DHRS12: variants seen among roughly 807,000 people sequenced by gnomAD.
The protein encoded by DHRS12 is dehydrogenase/reductase SDR family member 12.
A neutral mutation model predicts 32.1 loss-of-function variants in DHRS12; 29 were observed. That is an observed-to-expected ratio of 0.90 (90% confidence interval 0.67 to 1.23). DHRS12 has a LOEUF of 1.23. DHRS12 is among the 50% of genes most tolerant of loss of function. DHRS12 has a pLI of 0.00. For missense variants in DHRS12, 330 were observed against 337.2 expected (o/e 0.98, Z 0.17); for synonymous variants, 150 against 135.9 (o/e 1.10, Z -0.72).
intron 1 of DHRS12, 30 bp from the exon 2 acceptor site, chr13:51,799,697 G>C: frequency 6.2e-7 from 1 of 1,610,128 alleles, no homozygotes; most frequent in Non-Finnish European, 8.5e-7. Flanking sequence ...AGGAAGACCA[G>C]CTGTAAGGAG....
chr13:51,794,141 A>G (rs1955404114), intron 2 of DHRS12, among the ~76,000 whole-genome samples: 1 of 152,202 alleles, frequency 6.6e-6, no homozygotes. Flanking sequence ...CATGTGTGTA[A>G]AAGTCCCAAT....
chr13:51,778,978 T>C (rs1954575746), intron 4 of DHRS12, among the ~76,000 whole-genome samples: 1 of 152,190 alleles, frequency 6.6e-6, no homozygotes, highest in Non-Finnish European at 1.5e-5. Context: ...ATTAGAGTTA[T>C]AGAATCCCAG....
In DHRS12 at chr13:51,769,211, C is replaced by A; in HGVS notation, c.642G>T (p.Leu214=). Residue 214 remains leucine, a synonymous_variant, in exon 8 of 9, where the codon CTG becomes CTT. Coordinates refer to ENST00000444610, the MANE Select transcript of DHRS12 (RefSeq NM_001377533.1). ...RSEAQGADTM[L]WLALSSAAAA... ...CTGCGGCAGAGGAGAGGGCCAGCCA[C>A]AGCATGGTGTCCGCGCCCTGGGCCT... 6.3e-7 allele frequency: 1 copy of A among 1,576,078 alleles called. No individual in the cohort carries two copies. The highest frequency in any genetic ancestry group is 8.6e-7 in the Non-Finnish European group (1 of 1,162,180).
chr13:51,790,174 A>C, intron 3 of DHRS12, 82 bp from the exon 4 acceptor site: 1 of 1,031,096 alleles, frequency 9.7e-7, no homozygotes. Flanking sequence ...CCACTACCCC[A>C]CCCCCAGCTC....
rs934761141 is a variant in DHRS12, at chr13:51,782,455, G to A, written c.302-5334C>T. Among the ~76,000 whole-genome samples, 18 of 152,324 alleles carry A rather than the reference G, an allele frequency of 1.2e-4. No individual in the cohort carries two copies. The highest frequency in any genetic ancestry group is 4.1e-4 in the African/African-American group (17 of 41,574). On this transcript the variant is annotated intron_variant, in intron 4 of 8. Coordinates refer to ENST00000444610, the MANE Select transcript of DHRS12 (RefSeq NM_001377533.1). The surrounding 1 kb of genome is among the most constrained non-coding windows in gnomAD (Gnocchi z 4.2). ...TCGCGCTATGGGAGCACGGACAGCTGTGCCCAGTGCTGCCCATGGATGTGG... is the reference window on the plus strand; with the variant it reads ...TCGCGCTATGGGAGCACGGACAGCTATGCCCAGTGCTGCCCATGGATGTGG...
the DHRS12 span, among the ~76,000 whole-genome samples, chr13:51,757,024 G>A: frequency 2.0e-5 from 3 of 152,152 alleles, no homozygotes; most frequent in Admixed American, 2.0e-4. Context: ...TTTAGTGTTG[G>A]CTCATTGAAA....
chr13:51,757,824 A>G, the DHRS12 span, among the ~76,000 whole-genome samples: 2 of 148,066 alleles, frequency 1.4e-5, no homozygotes, highest in African/African-American at 5.1e-5. Flanking sequence ...ACTTAGTACT[A>G]TCTTGGTCCT....
chr13:51,770,238 C>A (rs760630202), intron 7 of DHRS12, among the ~76,000 whole-genome samples: 8 of 152,006 alleles, frequency 5.3e-5, no homozygotes, highest in Non-Finnish European at 1.2e-4. Context: ...AATGTGAAAA[C>A]CTTGTGATGT....
intron 4 of DHRS12, 111 bp downstream of exon 4, chr13:51,789,900 A>T: frequency 7.2e-7 from 1 of 1,379,532 alleles, no homozygotes; most frequent in African/African-American, 1.5e-5. Flanking sequence ...AGCAAACGTC[A>T]TCAGGCCCAG....
intron 2 of DHRS12, among the ~76,000 whole-genome samples, chr13:51,791,753 A>G (rs1192654508): frequency 6.6e-6 from 1 of 152,196 alleles, no homozygotes; most frequent in Non-Finnish European, 1.5e-5. Context: ...TAGTAACTCC[A>G]CATTTCTCCT....
intron 2 of DHRS12, among the ~76,000 whole-genome samples, chr13:51,796,991 G>A (rs1955538334): frequency 6.6e-6 from 1 of 152,188 alleles, no homozygotes; most frequent in African/African-American, 2.4e-5. Context: ...ATGCCTGAGG[G>A]TGGGTACTGT....
At chr13:51,754,982 C>T in the DHRS12 span, among the ~76,000 whole-genome samples, 2 of 152,224 alleles carry the variant, frequency 1.3e-5, 1 homozygote, top group South Asian at 4.1e-4. Flanking sequence ...ATTTCCCCAT[C>T]TGTGCTCCAG....
the DHRS12 span, among the ~76,000 whole-genome samples, chr13:51,757,542 G>C: frequency 6.6e-6 from 1 of 150,862 alleles, no homozygotes; most frequent in Non-Finnish European, 1.5e-5. Flanking sequence ...ACTGCACCCT[G>C]CACCTTTTCC....
chr13:51,776,822 A>G (rs1566282819), intron 5 of DHRS12, among the ~76,000 whole-genome samples: 1 of 151,896 alleles, frequency 6.6e-6, no homozygotes, highest in Non-Finnish European at 1.5e-5. Flanking sequence ...CTTTGCCGAC[A>G]CCCACGTGAC....
chr13:51,787,741 TATTA>T (rs1955025962), intron 4 of DHRS12, among the ~76,000 whole-genome samples: 1 of 118,194 alleles, frequency 8.5e-6, no homozygotes, highest in Admixed American at 1.1e-4. Context: ...CATATAATTA[TATTA>T]TATATTTTTA....
rs1452015560 is a variant in DHRS12 at position 51,769,197 on chromosome 13, G to A, written c.656C>T (p.Ser219Phe). Residue 219 changes from serine (S) to phenylalanine (F), a missense_variant, in exon 8 of 9, where the codon TCC becomes TTC. Coordinates refer to ENST00000444610, the MANE Select transcript of DHRS12 (RefSeq NM_001377533.1). ...GADTMLWLALSSAAAAQPSGR... is the reference protein window; with the variant it reads ...GADTMLWLALFSAAAAQPSGR... ...GCTGGGCTGTGCGGCTGCGGCAGAG[G>A]AGAGGGCCAGCCACAGCATGGTGTC... 3 of 1,563,118 alleles carry A rather than the reference G, an allele frequency of 1.9e-6. No individual in the cohort carries two copies. Among genetic ancestry groups the A allele is most frequent in the Non-Finnish European group, 2.6e-6 (3 of 1,155,056 alleles).
the DHRS12 span, chr13:51,761,471 G>C: frequency 6.6e-6 from 1 of 152,194 alleles, no homozygotes; most frequent in Non-Finnish European, 1.5e-5. Context: ...GAGCTCACCA[G>C]TCTCTTGAGG....
rs190738837 is a variant in DHRS12 at position 51,798,038 on chromosome 13, C to T, written c.126+1496G>A. On this transcript the variant is annotated intron_variant, in intron 2 of 8. Transcript: ENST00000444610. The stretch of plus-strand genomic sequence containing the variant: ...CTGTTAAGCCTAGATGGGTGGTTCC[C>T]AGAGTTAAGAGCAGCAAGGGCGATG... 84 of 912,248 alleles carry T rather than the reference C, an allele frequency of 9.2e-5. No homozygotes were observed. In the African/African-American group the frequency reaches 1.3e-3, roughly 14 times the overall value. 56.5% of individuals were successfully genotyped at this position (912,248 alleles called of 1,614,324 possible).
chr13:51,797,908 C>G, intron 2 of DHRS12: 1 of 1,535,914 alleles, frequency 6.5e-7, no homozygotes, highest in Middle Eastern at 1.7e-4. Flanking sequence ...AACTGTGCCA[C>G]CTGGTGGAAT....
Sources: gnomAD v4.1 joint callset for allele counts (sites outside exome capture counted in the v4.1 genomes callset) on GRCh38, gnomAD v4.1.1 for gene constraint, Gnocchi (gnomAD v3.1) non-coding constraint, MANE v1.5 for transcripts, NCBI Gene and HGNC (gene_info 2026-07-23, HGNC 2026-07-21) for gene names.